CRACD: variants seen among roughly 807,000 people sequenced by gnomAD.
CRACD encodes capping protein inhibiting regulator of actin dynamics, also known as capping protein-inhibiting regulator of actin dynamics.
CRACD carries 56 observed loss-of-function variants against 106.8 expected under a neutral mutation model. That is an observed-to-expected ratio of 0.52 (90% CI 0.42 to 0.66). The LOEUF (loss-of-function observed/expected upper bound fraction) is 0.66. Among genes scored for constraint, CRACD ranks in the 30% least tolerant of loss-of-function variants. The probability of loss-of-function intolerance (pLI) is 0.00; values close to 1 mark genes in which losing one functional copy is unlikely to be tolerated. For synonymous variants in CRACD, 754 were observed against 670.8 expected, an observed-to-expected ratio of 1.12 and a Z score of -1.92; for missense variants, 1,730 against 1,623.2, an observed-to-expected ratio of 1.07 and a Z score of -1.13.
At chr4:56,106,630 A>C (rs1733956131) in intron 1 of CRACD, among the ~76,000 whole-genome samples, 1 of 152,220 alleles carries the variant, frequency 6.6e-6, no homozygotes, top group African/African-American at 2.4e-5. Flanking sequence ...TAGTTCCCTA[A>C]AGCAAATAGC....
chr4:56,223,948 A>AG (rs1302913597), intron 2 of CRACD, among the ~76,000 whole-genome samples: 2 of 152,032 alleles, frequency 1.3e-5, no homozygotes, highest in African/African-American at 4.8e-5. Flanking sequence ...TTGTGGAGAC[A>AG]GGGTCTTGCT....
At chr4:56,132,757 G>C (rs1202113325) in intron 1 of CRACD, among the ~76,000 whole-genome samples, 1 of 152,158 alleles carries the variant, frequency 6.6e-6, no homozygotes, top group African/African-American at 2.4e-5. Context: ...CGCAGCATAA[G>C]ACAGGATGAT....
chr4:56,067,792 A>T (rs1311520884), intron 1 of CRACD, among the ~76,000 whole-genome samples: 1 of 151,928 alleles, frequency 6.6e-6, no homozygotes, highest in African/African-American at 2.4e-5. Context: ...GCCAGACTAG[A>T]CCCGAGCTTC....
chr4:56,155,021 A>G (rs1735720714), intron 1 of CRACD, among the ~76,000 whole-genome samples: 1 of 138,678 alleles, frequency 7.2e-6, no homozygotes, highest in Non-Finnish European at 1.6e-5. Flanking sequence ...TAAAATTGCA[A>G]TTCAGTCCAA....
At chr4:56,198,997 G>A (rs1737750811) in intron 2 of CRACD, among the ~76,000 whole-genome samples, 1 of 151,818 alleles carries the variant, frequency 6.6e-6, no homozygotes, top group Non-Finnish European at 1.5e-5. Context: ...TTTTGTTTAT[G>A]TTTTGGTGGG....
chr4:56,301,986 C>T lies in CRACD; in HGVS notation c.120+3637C>T, dbSNP rs367574556. ...GTGAGGACTCTGTACATAACAGAGT[C>T]GCTCTGTGGCCAGTAGTGTGAATAC... On this transcript the variant is annotated intron_variant, in intron 4 of 10. Transcript: ENST00000682029. Among the ~76,000 whole-genome samples the T allele has an allele frequency of 8.5e-5, 13 of 152,190 alleles. No individual in the cohort carries two copies. The East Asian group carries it at 1.7e-3, about 20-fold the overall frequency.
chr4:56,089,925 T>C (rs1733364639), intron 1 of CRACD, among the ~76,000 whole-genome samples: 3 of 152,214 alleles, frequency 2.0e-5, no homozygotes, highest in Admixed American at 2.0e-4. Context: ...ATCATTAGTC[T>C]GTATAAAAAG....
chr4:56,185,204 A>G (rs1033973872), intron 2 of CRACD, among the ~76,000 whole-genome samples: 7 of 152,090 alleles, frequency 4.6e-5, no homozygotes, highest in Non-Finnish European at 7.4e-5. Context: ...TGATCTGCCC[A>G]CCTCGGCCTC....
chr4:56,159,969 C>G (rs561781384), intron 1 of CRACD, among the ~76,000 whole-genome samples: 50 of 151,076 alleles, frequency 3.3e-4, no homozygotes, highest in African/African-American at 1.2e-3. Context: ...TTAGTAGAGA[C>G]GGGGTTTCTC....
At chr4:56,198,103 C>T (rs1057036863) in intron 2 of CRACD, among the ~76,000 whole-genome samples, 3 of 152,166 alleles carry the variant, frequency 2.0e-5, no homozygotes, top group African/African-American at 7.2e-5. Context: ...GATTCATCTG[C>T]ACAGTTCCAC....
intron 2 of CRACD, among the ~76,000 whole-genome samples, chr4:56,250,187 T>C (rs183262056): frequency 8.0e-4 from 122 of 152,300 alleles, no homozygotes; most frequent in Admixed American, 1.8e-3. Flanking sequence ...TCTTTTCTTG[T>C]TCCTAATTTC....
At chr4:56,202,256 C>CT (rs1041771404) in intron 2 of CRACD, among the ~76,000 whole-genome samples, 3 of 151,766 alleles carry the variant, frequency 2.0e-5, no homozygotes, top group Non-Finnish European at 4.4e-5. Flanking sequence ...AAGTGACATC[C>CT]TTTTTTTTAG....
rs975149006 is a variant in CRACD at position 56,328,695 on chromosome 4, C to CTTCA, written c.*892_*895dup. 1 of 203,744 alleles carries CTTCA rather than the reference C, an allele frequency of 4.9e-6. No individual in the cohort carries two copies. Among genetic ancestry groups the CTTCA allele is most frequent in the African/African-American group, 2.3e-5 (1 of 42,774 alleles). The allele number at this position is 203,744 out of a possible 1,614,324, so 12.6% of individuals were successfully genotyped here. A position where few individuals can be genotyped will look rare whatever the true frequency, so the allele number is the denominator to read the frequency against. ...AGGAATATGTATTCTGGCAAAAACTCTTCAGGTCAGTTCTGATAGATCCCA... is the reference window on the plus strand; with the variant it reads ...AGGAATATGTATTCTGGCAAAAACTCTTCATTCAGGTCAGTTCTGATAGATCCCA... On this transcript the variant is annotated 3_prime_UTR_variant, in exon 11 of 11. Coordinates refer to ENST00000682029, the MANE Select transcript of CRACD (RefSeq NM_001393381.1).
At chr4:56,180,571 A>G (rs918857658) in intron 2 of CRACD, among the ~76,000 whole-genome samples, 1 of 152,178 alleles carries the variant, frequency 6.6e-6, no homozygotes, top group Non-Finnish European at 1.5e-5. Context: ...GGCTGCAGAT[A>G]TCCGCCACTT....
intron 1 of CRACD, among the ~76,000 whole-genome samples, chr4:56,111,998 C>T (rs892335553): frequency 2.0e-5 from 3 of 152,150 alleles, no homozygotes; most frequent in African/African-American, 7.2e-5. Context: ...TTTCAAAAAC[C>T]TTTTTTCTTT....
chr4:56,290,956 T>G (rs1304623741), intron 3 of CRACD, among the ~76,000 whole-genome samples: 1 of 152,220 alleles, frequency 6.6e-6, no homozygotes, highest in Non-Finnish European at 1.5e-5. Context: ...TAGAGTTGGC[T>G]TTTACCATGC....
intron 2 of CRACD, among the ~76,000 whole-genome samples, chr4:56,262,395 C>A (rs575878303): frequency 2.6e-5 from 4 of 152,220 alleles, no homozygotes; most frequent in Non-Finnish European, 5.9e-5. Flanking sequence ...GTTCTACATT[C>A]TCCTAGTGTA....
intron 10 of CRACD, among the ~76,000 whole-genome samples, chr4:56,325,212 G>C (rs1577921595): frequency 1.3e-5 from 2 of 152,148 alleles, no homozygotes; most frequent in African/African-American, 4.8e-5. Context: ...GTGCATGCCT[G>C]TAGTCCCACC....
At chr4:56,070,889 G>GTGTGTC (rs1449519630) in intron 1 of CRACD, among the ~76,000 whole-genome samples, 4 of 151,406 alleles carry the variant, frequency 2.6e-5, no homozygotes, top group African/African-American at 9.7e-5. Context: ...GTGTGTGTGT[G>GTGTGTC]TCCACAGGCA....
Sources: allele counts gnomAD v4.1 joint callset (sites outside exome capture counted in the v4.1 genomes callset), GRCh38; gene constraint gnomAD v4.1.1; transcripts MANE v1.5; gene names NCBI Gene and HGNC (gene_info 2026-07-23, HGNC 2026-07-21).